MTCH1: variants seen among roughly 807,000 people sequenced by gnomAD.
MTCH1 encodes mitochondrial carrier homolog 1.
Under a neutral mutation model 49.3 loss-of-function variants are expected in MTCH1, and 23 were observed. The ratio of observed to expected loss-of-function variants is 0.47; its 90% CI spans 0.34 to 0.66. The LOEUF (loss-of-function observed/expected upper bound fraction) is 0.66, where lower values mean the gene tolerates loss of function less well. Ranked by LOEUF, MTCH1 falls within the 30% of genes least tolerant of loss-of-function variation. MTCH1 has a pLI of 0.01. For missense variants in MTCH1, 397 were observed against 532.1 expected, an observed-to-expected ratio of 0.75 and a Z score of 2.50; for synonymous variants, 229 against 215.2, an observed-to-expected ratio of 1.06 and a Z score of -0.56.
rs532537116 is a variant in MTCH1, at chr6:36,977,388, C to T, written c.650-138G>A. 2.3e-5 allele frequency: 20 copies of T among 884,934 alleles called. No homozygotes were observed. The highest frequency in any genetic ancestry group is 2.7e-4 in the Middle Eastern group (1 of 3,710). 54.8% of individuals were successfully genotyped at this position (884,934 alleles called of 1,614,324 possible). On this transcript the variant is annotated intron_variant, in intron 5 of 11. Coordinates refer to ENST00000373627, the MANE Select transcript of MTCH1 (RefSeq NM_001271641.2). This position sits in a 1 kb window ranked among gnomAD's most constrained non-coding sequence, Gnocchi z 5.4. ...AGAGCAGGAGAGGAAGAGGGCCTTTCGGATTCCCTGTTACACCCCATGACC... is the reference window on the plus strand; with the variant it reads ...AGAGCAGGAGAGGAAGAGGGCCTTTTGGATTCCCTGTTACACCCCATGACC...
chr6:36,986,546 C>T (rs1764329643), upstream of MTCH1, among the ~76,000 whole-genome samples: 1 of 152,272 alleles, frequency 6.6e-6, no homozygotes, highest in African/African-American at 2.4e-5. Context: ...CGGGAGTTTT[C>T]TCTGCAGTTC....
At chr6:36,976,864 A>G (rs1343409007) in intron 6 of MTCH1, among the ~76,000 whole-genome samples, 1 of 152,186 alleles carries the variant, frequency 6.6e-6, no homozygotes, top group African/African-American at 2.4e-5. Flanking sequence ...TTAGAGCATT[A>G]CTTCGGGAGT....
chr6:36,971,905 CCAGTCAACCCCTCAGGTA>C (rs771896860), intron 8 of MTCH1, among the ~76,000 whole-genome samples: 29 of 152,154 alleles, frequency 1.9e-4, no homozygotes, highest in Non-Finnish European at 4.0e-4. Context: ...TCAGGCAGAA[CCAGTCAACCCCTCAGGTA>C]CCTGGATGGC....
At position 36,977,067 on chromosome 6, in the gene MTCH1, GA is replaced by G; in HGVS notation, c.701+131del. The G allele has an allele frequency of 2.2e-6, 2 of 917,898 alleles. No individual in the cohort carries two copies. Among genetic ancestry groups the G allele is most frequent in the Non-Finnish European group, 3.5e-6 (2 of 570,664 alleles). The allele number at this position is 917,898 out of a possible 1,614,324, so 56.9% of individuals were successfully genotyped here. ...ATTGAAGCCACTGCCACATTCCTCA[GA>G]AGCCAGGCAGCAGGCTGAACTCACA... On this transcript the variant is annotated intron_variant, in intron 6 of 11. Transcript: ENST00000373627. This position sits in a 1 kb window ranked among gnomAD's most constrained non-coding sequence, Gnocchi z 5.4.
chr6:36,970,081 C>T lies in MTCH1; in HGVS notation c.1056G>A (p.Val352=), dbSNP rs1763622185. Residue 352 remains valine (V), a synonymous_variant, in exon 11 of 12, where the codon GTG becomes GTA. Coordinates refer to ENST00000373627, the MANE Select transcript of MTCH1 (RefSeq NM_001271641.2). The part of the protein sequence containing the change: ...LQAGLPPYSP[V]FKSWIHCWKY... ...TCCAGCAGTGAATCCAGGATTTGAACACTGGGGAGTAAGGGGGGAGCCCAG... is the reference window on the plus strand; with the variant it reads ...TCCAGCAGTGAATCCAGGATTTGAATACTGGGGAGTAAGGGGGGAGCCCAG... 2 of 1,614,170 alleles carry T rather than the reference C, an allele frequency of 1.2e-6. No homozygotes were observed. Among genetic ancestry groups the T allele is most frequent in the Non-Finnish European group, 1.7e-6 (2 of 1,180,010 alleles).
rs768576694 is a variant in MTCH1, at chr6:36,972,257, C to T, written c.906+395G>A. On this transcript the variant is annotated intron_variant, in intron 8 of 11. Coordinates refer to ENST00000373627, the MANE Select transcript of MTCH1 (RefSeq NM_001271641.2). This position sits in a 1 kb window ranked among gnomAD's most constrained non-coding sequence, Gnocchi z 4.1. ...CCTGTTCCCTTCACAACTAGGATGC[C>T]GTCAGATCAAAGGCCATAACGTTCA... 1.3e-5 allele frequency among the ~76,000 whole-genome samples: 2 copies of T among 152,012 alleles called. No homozygotes were observed. Among genetic ancestry groups the T allele is most frequent in the Non-Finnish European group, 2.9e-5 (2 of 68,010 alleles).
At chr6:36,976,615 C>T (rs1304452492) in intron 6 of MTCH1, 1 of 470,376 alleles carries the variant, frequency 2.1e-6, no homozygotes, top group Non-Finnish European at 4.4e-6. Flanking sequence ...AAAACACCGA[C>T]CCCAGGAAAT....
rs150968806 is a variant in MTCH1, at chr6:36,970,600, T to A, written c.954+47A>T. On this transcript the variant is annotated intron_variant, in intron 9 of 11. Transcript: ENST00000373627. ...CCAGGGTTGGCCTCCTAGGCCCCGC[T>A]TGGGTCCGCAAGGCAGTGGGAAGGA... 26 of 1,612,946 alleles carry A rather than the reference T, an allele frequency of 1.6e-5. No individual in the cohort carries two copies. In the African/African-American group the frequency reaches 2.9e-4, roughly 18 times the overall value.
intron 10 of MTCH1, 114 bp from the exon 11 acceptor site, chr6:36,970,228 G>T: frequency 7.0e-7 from 1 of 1,431,314 alleles, no homozygotes; most frequent in Non-Finnish European, 9.6e-7. Context: ...CCTGACCCCT[G>T]ACACCACAGT....
At chr6:36,974,641 G>A (rs748406) in intron 7 of MTCH1, among the ~76,000 whole-genome samples, 36,241 of 152,014 alleles carry the variant, frequency 0.24, 4,444 homozygotes, top group South Asian at 0.34. Flanking sequence ...AGATGTCTCC[G>A]GACACTGCCG....
chr6:36,976,732 C>T (rs1194672535), intron 6 of MTCH1: 5 of 378,572 alleles, frequency 1.3e-5, no homozygotes, highest in African/African-American at 6.3e-5. Context: ...CAGGGCTGCA[C>T]GCAGCAGATC....
intron 8 of MTCH1, among the ~76,000 whole-genome samples, chr6:36,971,872 T>G (rs1313437665): frequency 6.6e-6 from 1 of 152,164 alleles, no homozygotes; most frequent in East Asian, 1.9e-4. Flanking sequence ...CAGCCATCGC[T>G]GCTCCCTACC....
Position 36,972,806 on chromosome 6 carries a change from A to C in MTCH1, c.762-10T>G. 5 of 1,546,684 alleles carry C rather than the reference A, an allele frequency of 3.2e-6. No individual in the cohort carries two copies. Among genetic ancestry groups the C allele is most frequent in the Non-Finnish European group, 4.4e-6 (5 of 1,143,044 alleles). ...GTGAGGGATTAATCCACTAAAAAAC[A>C]AGGTAAGCAGAGATGAGCAGGAGAG... is the stretch of plus-strand genomic sequence containing the variant. On this transcript the variant is annotated splice_polypyrimidine_tract_variant and intron_variant, in intron 7 of 11. Transcript: ENST00000373627. This position sits in a 1 kb window ranked among gnomAD's most constrained non-coding sequence, Gnocchi z 4.1.
chr6:36,977,754 G>T lies in MTCH1; in HGVS notation c.592-63C>A. On this transcript the variant is annotated intron_variant, in intron 4 of 11. Transcript: ENST00000373627. This position sits in a 1 kb window ranked among gnomAD's most constrained non-coding sequence, Gnocchi z 5.4. ...GCCTGTCTCTGGAACTGGCCCTCGA[G>T]GGGAGCTACAAGTGCTCAGGAGGGA... 6.9e-7 allele frequency: 1 copy of T among 1,450,056 alleles called. No individual in the cohort carries two copies. Among genetic ancestry groups the T allele is most frequent in the South Asian group, 1.2e-5 (1 of 81,090 alleles). 89.8% of individuals were successfully genotyped at this position (1,450,056 alleles called of 1,614,324 possible). A position where few individuals can be genotyped will look rare whatever the true frequency, so the allele number is the denominator to read the frequency against.
In MTCH1 at chr6:36,982,459, A is replaced by ACCTCCACCT. The variant is rs1441011536; in HGVS notation, c.322-796_322-788dup. 5.3e-5 allele frequency among the ~76,000 whole-genome samples: 8 copies of ACCTCCACCT among 151,354 alleles called. No homozygotes were observed. The highest frequency in any genetic ancestry group is 1.5e-5 in the Non-Finnish European group (1 of 67,870). ...AATGGCGTGCTCTCAGCTCACCGCA[A>ACCTCCACCT]CCTCCACCTCCTCCACCTCCCGGGT... On this transcript the variant is annotated intron_variant, in intron 1 of 11. Coordinates refer to ENST00000373627, the MANE Select transcript of MTCH1 (RefSeq NM_001271641.2). The surrounding 1 kb of genome is among the most constrained non-coding windows in gnomAD (Gnocchi z 4.1).
Position 36,970,417 on chromosome 6 carries a change from C to T in MTCH1, c.1011G>A (p.Val337=). The change falls in exon 10 of 12, where the codon GTG becomes GTA. Residue 337 remains valine, a synonymous_variant. Coordinates refer to ENST00000373627, the MANE Select transcript of MTCH1 (RefSeq NM_001271641.2). ...GGGCGCACACCTACCCGCAGTTGTTCACAGCCATGAGGTCGCCAACTAGCA... is the reference window on the plus strand; with the variant it reads ...GGGCGCACACCTACCCGCAGTTGTTTACAGCCATGAGGTCGCCAACTAGCA... ...PFLLVGDLMA[V]NNCGLQAGLP... is the part of the protein sequence containing the mutation. The T allele has an allele frequency of 1.2e-6, 2 of 1,614,142 alleles. No individual in the cohort carries two copies. The highest frequency in any genetic ancestry group is 1.7e-6 in the Non-Finnish European group (2 of 1,180,032).
At chr6:36,974,787 C>T (rs1022228305) in intron 7 of MTCH1, among the ~76,000 whole-genome samples, 7 of 152,042 alleles carry the variant, frequency 4.6e-5, no homozygotes, top group African/African-American at 7.2e-5. Context: ...TCTCACAAAC[C>T]GGAAAACCAT....
chr6:36,977,840 C>A lies in MTCH1; in HGVS notation c.592-149G>T. On this transcript the variant is annotated intron_variant, in intron 4 of 11. Coordinates refer to ENST00000373627, the MANE Select transcript of MTCH1 (RefSeq NM_001271641.2). The surrounding 1 kb of genome is among the most constrained non-coding windows in gnomAD (Gnocchi z 5.4). Reference sequence around the variant, plus strand: ...TGCCAAGGATGGCTCCACCTGTTGCCCACTCCCCAGTCCCCCACCCAGGAG... The same window carrying A: ...TGCCAAGGATGGCTCCACCTGTTGCACACTCCCCAGTCCCCCACCCAGGAG... 1 of 800,748 alleles carries A rather than the reference C, an allele frequency of 1.2e-6. No homozygotes were observed. Among genetic ancestry groups the A allele is most frequent in the Non-Finnish European group, 2.0e-6 (1 of 493,602 alleles). 49.6% of individuals were successfully genotyped at this position (800,748 alleles called of 1,614,324 possible).
At position 36,968,279 on chromosome 6, in the gene MTCH1, G is replaced by T. The variant is rs185570556; in HGVS notation, c.*624C>A. 1 of 181,424 alleles carries T rather than the reference G, an allele frequency of 5.5e-6. No individual in the cohort carries two copies. The highest frequency in any genetic ancestry group is 1.2e-5 in the Non-Finnish European group (1 of 85,216). The allele number at this position is 181,424 out of a possible 1,614,324, so 11.2% of individuals were successfully genotyped here. On this transcript the variant is annotated 3_prime_UTR_variant, in exon 12 of 12. Coordinates refer to ENST00000373627, the MANE Select transcript of MTCH1 (RefSeq NM_001271641.2). ...GCACAGGTAACCAGATCCTGTACGCGAGGCATCACCATTAAACAGATGAGC... is the reference window on the plus strand; with the variant it reads ...GCACAGGTAACCAGATCCTGTACGCTAGGCATCACCATTAAACAGATGAGC...
Sources: gnomAD v4.1 joint callset for allele counts (sites outside exome capture counted in the v4.1 genomes callset) on GRCh38, gnomAD v4.1.1 for gene constraint, Gnocchi (gnomAD v3.1) non-coding constraint, MANE v1.5 for transcripts, NCBI Gene and HGNC (gene_info 2026-07-23, HGNC 2026-07-21) for gene names.